Variants in DLG2 observed in about 807,000 individuals in gnomAD.
DLG2 encodes the protein discs large MAGUK scaffold protein 2.
DLG2 carries 45 observed loss-of-function variants against 132.5 expected under a neutral mutation model. The ratio of observed to expected loss-of-function variants is 0.34; its 90% CI spans 0.27 to 0.44. The LOEUF is 0.44. Ranked by LOEUF, DLG2 falls within the 20% of genes least tolerant of loss-of-function variation. The pLI is 1.00. For missense variants in DLG2, 1,045 were observed against 1,196.9 expected (o/e 0.87, Z 1.87); for synonymous variants, 424 against 419.6 (o/e 1.01, Z -0.13).
intron 7 of DLG2, among the ~76,000 whole-genome samples, chr11:84,351,127 GAAAAA>G (rs142032512): frequency 6.6e-6 from 1 of 150,478 alleles, no homozygotes; most frequent in Non-Finnish European, 1.5e-5. Context: ...TTCTCCAGAT[GAAAAA>G]AAAAGTTTAT....
intron 11 of DLG2, among the ~76,000 whole-genome samples, chr11:83,986,635 A>C (rs1025886625): frequency 2.6e-5 from 4 of 151,850 alleles, no homozygotes; most frequent in Non-Finnish European, 4.4e-5. Flanking sequence ...GAATCGCCAC[A>C]CTGACTTCCA....
At chr11:85,182,725 G>C (rs1460999991) in intron 4 of DLG2, among the ~76,000 whole-genome samples, 1 of 151,192 alleles carries the variant, frequency 6.6e-6, no homozygotes, top group Non-Finnish European at 1.5e-5. Flanking sequence ...GAGATAGAAG[G>C]GTAGGAAGCC....
At chr11:83,627,063 A>G (rs931282600) in intron 19 of DLG2, among the ~76,000 whole-genome samples, 1 of 152,184 alleles carries the variant, frequency 6.6e-6, no homozygotes, top group Non-Finnish European at 1.5e-5. Context: ...TCTCTGTCTG[A>G]CAGGGAAAAG....
intron 6 of DLG2, among the ~76,000 whole-genome samples, chr11:84,567,418 G>A (rs1439551700): frequency 6.6e-6 from 1 of 152,166 alleles, no homozygotes; most frequent in East Asian, 1.9e-4. Context: ...ATTAAGTTCT[G>A]TGTGACAATA....
At chr11:84,564,575 T>C (rs2154526729) in intron 6 of DLG2, among the ~76,000 whole-genome samples, 1 of 152,324 alleles carries the variant, frequency 6.6e-6, no homozygotes, top group South Asian at 2.1e-4. Flanking sequence ...CCTCCATTTC[T>C]TTTTTATTCT....
At chr11:83,489,300 C>T (rs1189650907) in intron 21 of DLG2, among the ~76,000 whole-genome samples, 1 of 151,932 alleles carries the variant, frequency 6.6e-6, no homozygotes, top group Non-Finnish European at 1.5e-5. Flanking sequence ...TGCAATCAAT[C>T]AGCAAAATCC....
intron 3 of DLG2, among the ~76,000 whole-genome samples, chr11:85,584,783 G>A (rs1340117242): frequency 6.6e-6 from 1 of 152,056 alleles, no homozygotes; most frequent in Non-Finnish European, 1.5e-5. Flanking sequence ...ATGTTTGTTG[G>A]TCTTTTCCAT....
chr11:84,575,135 C>T (rs189989145), intron 6 of DLG2, among the ~76,000 whole-genome samples: 31 of 152,270 alleles, frequency 2.0e-4, no homozygotes, highest in African/African-American at 6.7e-4. Flanking sequence ...ATTGAGCTAA[C>T]CAGATCTTAT....
chr11:84,717,071 T>G (rs1351434183), intron 6 of DLG2, among the ~76,000 whole-genome samples: 1 of 152,076 alleles, frequency 6.6e-6, no homozygotes, highest in Non-Finnish European at 1.5e-5. Flanking sequence ...GTGTCTAGCT[T>G]GAAAGCTCAA....
At chr11:84,837,181 A>T (rs1334144537) in intron 6 of DLG2, among the ~76,000 whole-genome samples, 1 of 151,900 alleles carries the variant, frequency 6.6e-6, no homozygotes, top group Non-Finnish European at 1.5e-5. Flanking sequence ...AGTTTTACAA[A>T]TAAAAACTTT....
At chr11:84,265,435 T>C (rs1233251418) in intron 7 of DLG2, among the ~76,000 whole-genome samples, 1 of 152,130 alleles carries the variant, frequency 6.6e-6, no homozygotes, top group Non-Finnish European at 1.5e-5. Flanking sequence ...TAGCAAATGG[T>C]GGAAGAAGGA....
At chr11:84,048,973 T>C (rs1407045157) in intron 11 of DLG2, among the ~76,000 whole-genome samples, 1 of 151,706 alleles carries the variant, frequency 6.6e-6, no homozygotes, top group African/African-American at 2.4e-5. Context: ...AAATTTTAAT[T>C]CATTCAGTGT....
intron 18 of DLG2, among the ~76,000 whole-genome samples, chr11:83,636,242 C>A (rs1329354137): frequency 1.3e-5 from 2 of 152,152 alleles, no homozygotes; most frequent in African/African-American, 4.8e-5. Context: ...GTTATTTGTA[C>A]AGTTGTTCAT....
intron 4 of DLG2, among the ~76,000 whole-genome samples, chr11:85,198,366 C>T (rs1359949484): frequency 6.6e-6 from 1 of 152,056 alleles, no homozygotes; most frequent in Non-Finnish European, 1.5e-5. Flanking sequence ...TGAAAATTCT[C>T]CCCACAAAAA....
At chr11:84,417,417 C>T (rs1015560488) in intron 7 of DLG2, among the ~76,000 whole-genome samples, 6 of 152,120 alleles carry the variant, frequency 3.9e-5, no homozygotes, top group African/African-American at 1.2e-4. Flanking sequence ...AATTTCCTTC[C>T]CTTTTCTCCT....
chr11:84,257,218 T>C (rs867604270), intron 7 of DLG2, among the ~76,000 whole-genome samples: 2 of 152,164 alleles, frequency 1.3e-5, no homozygotes, highest in Middle Eastern at 3.2e-3. Context: ...ATTTCCTGAA[T>C]TACATTTTAG....
intron 7 of DLG2, among the ~76,000 whole-genome samples, chr11:84,367,011 A>AT (rs1210775167): frequency 1.3e-5 from 2 of 152,056 alleles, no homozygotes; most frequent in African/African-American, 2.4e-5. Flanking sequence ...CAGAATATAC[A>AT]TTTTTTTCAG....
At chr11:84,527,929 CT>C (rs2099326644) in intron 7 of DLG2, among the ~76,000 whole-genome samples, 1 of 151,446 alleles carries the variant, frequency 6.6e-6, no homozygotes, top group South Asian at 2.1e-4. Context: ...CTCTCTCTCT[CT>C]CTCTCGCTAA....
rs977337448 is a variant in DLG2 at position 84,040,494 on chromosome 11, C to T, written c.919+18821G>A. Among the ~76,000 whole-genome samples, 199 of 151,394 alleles carry T rather than the reference C, an allele frequency of 1.3e-3. 1 individual carries two copies. Among genetic ancestry groups the T allele is most frequent in the African/African-American group, 4.3e-3 (180 of 41,424 alleles). On this transcript the variant is annotated intron_variant, in intron 11 of 27. Transcript: ENST00000376104. ...AAATAGGGAATCCTTTCCCCATTGC[C>T]TGTTTTTCTCAGGTTTGTCAAAGAT...
Sources: gnomAD v4.1 joint callset for allele counts (sites outside exome capture counted in the v4.1 genomes callset) on GRCh38, gnomAD v4.1.1 for gene constraint, MANE v1.5 for transcripts, NCBI Gene and HGNC (gene_info 2026-07-23, HGNC 2026-07-21) for gene names.